ARHGEF11: variants seen among roughly 807,000 people sequenced by gnomAD.
ARHGEF11 encodes Rho guanine nucleotide exchange factor 11.
A neutral mutation model predicts 193.7 loss-of-function variants in ARHGEF11; 55 were observed. That is an observed-to-expected ratio of 0.28 (90% CI 0.23 to 0.36). The LOEUF (loss-of-function observed/expected upper bound fraction) is 0.36, where lower values mean the gene tolerates loss of function less well. ARHGEF11 is among the 10% of genes least tolerant of loss of function. The pLI is 1.00. For synonymous variants in ARHGEF11, 693 were observed against 768.0 expected (o/e 0.90, Z 1.62); for missense variants, 1,723 against 2,005.6 (o/e 0.86, Z 2.69).
In ARHGEF11 at chr1:156,954,882, G is replaced by A; in HGVS notation, c.1798+10C>T. ...TGCAAAGACAAACCCAAATAAAATG[G>A]TCCTTTTACCTTCCACAGGGGACAA... On this transcript the variant is annotated intron_variant, in intron 21 of 40. Coordinates refer to ENST00000368194, the MANE Select transcript of ARHGEF11 (RefSeq NM_198236.3). The A allele has an allele frequency of 1.2e-6, 2 of 1,606,910 alleles. No individual in the cohort carries two copies. Among genetic ancestry groups the A allele is most frequent in the Non-Finnish European group, 1.7e-6 (2 of 1,176,748 alleles).
intron 7 of ARHGEF11, among the ~76,000 whole-genome samples, chr1:156,975,167 C>T (rs1010114611): frequency 1.5e-4 from 23 of 152,194 alleles, no homozygotes; most frequent in African/African-American, 5.6e-4. Context: ...AATATGCAGA[C>T]AAAACATAAA....
chr1:156,941,941 G>A lies in ARHGEF11; in HGVS notation c.3375C>T (p.Pro1125=), dbSNP rs548369617. 9 of 1,614,100 alleles carry A rather than the reference G, an allele frequency of 5.6e-6. No individual in the cohort carries two copies. The highest frequency in any genetic ancestry group is 4.5e-5 in the East Asian group (2 of 44,880). ...EEAVRNATRH[P]GAAPMPVHPP... is the part of the protein sequence containing the mutation. Reference sequence around the variant, plus strand: ...GATGGACGGGCATTGGGGCAGCTCCGGGGTGCCTGGTGGCATTCCGCACGG... The same window carrying A: ...GATGGACGGGCATTGGGGCAGCTCCAGGGTGCCTGGTGGCATTCCGCACGG... Residue 1125 remains proline, a synonymous_variant, in exon 34 of 41, where the codon CCC becomes CCT. Transcript: ENST00000368194.
chr1:157,034,824 C>T (rs1671711858), intron 1 of ARHGEF11, among the ~76,000 whole-genome samples: 1 of 152,116 alleles, frequency 6.6e-6, no homozygotes, highest in Non-Finnish European at 1.5e-5. Flanking sequence ...TTATTTTATA[C>T]AAGCAAATAA....
chr1:157,031,129 G>A (rs886229661), intron 1 of ARHGEF11, among the ~76,000 whole-genome samples: 5 of 152,242 alleles, frequency 3.3e-5, no homozygotes, highest in Non-Finnish European at 4.4e-5. Context: ...TCTTGCTCCA[G>A]CAGAGTGAAA....
chr1:157,041,552 A>G (rs1191266205), intron 1 of ARHGEF11, among the ~76,000 whole-genome samples: 1 of 152,220 alleles, frequency 6.6e-6, no homozygotes, highest in Non-Finnish European at 1.5e-5. Context: ...ATTTTCTAGA[A>G]AATACACATT....
At chr1:157,013,259 T>TCTCACACACACACA (rs1553228459) in intron 1 of ARHGEF11, among the ~76,000 whole-genome samples, 2,227 of 109,528 alleles carry the variant, frequency 0.02, 56 homozygotes, top group South Asian at 0.044. Context: ...CTCCCCACTA[T>TCTCACACACACACA]CACTCACACA....
intron 1 of ARHGEF11, among the ~76,000 whole-genome samples, chr1:157,013,617 A>G (rs1453278652): frequency 2.0e-5 from 3 of 151,826 alleles, no homozygotes; most frequent in African/African-American, 4.8e-5. Context: ...CCTTCAACCC[A>G]CTTTGAGTTC....
intron 1 of ARHGEF11, among the ~76,000 whole-genome samples, chr1:157,037,333 T>A (rs1261777961): frequency 6.6e-6 from 1 of 152,128 alleles, no homozygotes; most frequent in Non-Finnish European, 1.5e-5. Flanking sequence ...TATATTAATA[T>A]CAGAATTCTC....
At chr1:157,041,401 C>CT (rs1304457209) in intron 1 of ARHGEF11, among the ~76,000 whole-genome samples, 1 of 152,138 alleles carries the variant, frequency 6.6e-6, no homozygotes, top group Non-Finnish European at 1.5e-5. Context: ...GTTGCAAATA[C>CT]TTTATGCTTT....
At chr1:156,969,913 G>A (rs1472451473) in intron 9 of ARHGEF11, 85 bp downstream of exon 9, 1 of 1,360,658 alleles carries the variant, frequency 7.3e-7, no homozygotes, top group African/African-American at 1.5e-5. Flanking sequence ...TTTCTTTCCT[G>A]GAATCTGCCC....
At chr1:157,003,160 A>G (rs1667409158) in intron 1 of ARHGEF11, among the ~76,000 whole-genome samples, 1 of 152,218 alleles carries the variant, frequency 6.6e-6, no homozygotes, top group African/African-American at 2.4e-5. Context: ...CATTTTACAG[A>G]TAAGAAAATG....
At chr1:156,980,299 G>T in intron 4 of ARHGEF11, 138 bp downstream of exon 4, 1 of 977,512 alleles carries the variant, frequency 1.0e-6, no homozygotes. Context: ...GTGCTCCCTC[G>T]TATGGTACCA....
At chr1:157,008,833 C>T (rs1275087850) in intron 1 of ARHGEF11, among the ~76,000 whole-genome samples, 1 of 152,224 alleles carries the variant, frequency 6.6e-6, no homozygotes, top group East Asian at 1.9e-4. Flanking sequence ...GAGCTTCTTA[C>T]TCTAAGCTGG....
At chr1:157,036,032 A>AAT (rs138041885) in intron 1 of ARHGEF11, among the ~76,000 whole-genome samples, 1 of 133,458 alleles carries the variant, frequency 7.5e-6, no homozygotes, top group Admixed American at 7.7e-5. Flanking sequence ...TATATATAGG[A>AAT]ATATATATAT....
chr1:156,940,156 G>T, intron 36 of ARHGEF11, 51 bp downstream of exon 36: 1 of 1,516,228 alleles, frequency 6.6e-7, no homozygotes, highest in Non-Finnish European at 8.9e-7. Flanking sequence ...AGTTCACACT[G>T]GGTGTGCGAC....
Position 157,018,513 on chromosome 1 carries a change from C to T in ARHGEF11, c.32+25786G>A, listed in dbSNP as rs142577384. ...AAAAAAAATTAGCTGGGCGTGGTGT[C>T]GGGCGCCTGTAGTCCCAGTTACTTG... On this transcript the variant is annotated intron_variant, in intron 1 of 40. Coordinates refer to ENST00000368194, the MANE Select transcript of ARHGEF11 (RefSeq NM_198236.3). Among the ~76,000 whole-genome samples, 389 of 151,978 alleles carry T rather than the reference C, an allele frequency of 2.6e-3. 16 individuals are homozygous for T. The East Asian group carries it at 0.045, about 18-fold the overall frequency.
At chr1:157,020,907 G>T (rs1385486369) in intron 1 of ARHGEF11, among the ~76,000 whole-genome samples, 1 of 152,222 alleles carries the variant, frequency 6.6e-6, no homozygotes, top group East Asian at 1.9e-4. Context: ...GAATTCAAAA[G>T]CCAGCAAAAT....
chr1:156,941,542 C>T, intron 34 of ARHGEF11, 109 bp from the exon 35 acceptor site: 1 of 1,278,392 alleles, frequency 7.8e-7, no homozygotes. Flanking sequence ...TGGGCCTCTT[C>T]ACCTGGCTGG....
chr1:157,008,918 G>A (rs1376332242), intron 1 of ARHGEF11, among the ~76,000 whole-genome samples: 1 of 152,204 alleles, frequency 6.6e-6, no homozygotes, highest in African/African-American at 2.4e-5. Flanking sequence ...CCTTCACAAG[G>A]TGGGGAAAGA....
Sources: allele counts gnomAD v4.1 joint callset (sites outside exome capture counted in the v4.1 genomes callset), GRCh38; gene constraint gnomAD v4.1.1; transcripts MANE v1.5; gene names NCBI Gene and HGNC (gene_info 2026-07-23, HGNC 2026-07-21).